CEMIP: variants seen among roughly 807,000 people sequenced by gnomAD.
The protein encoded by CEMIP is cell migration inducing hyaluronidase 1, also known as cell migration-inducing and hyaluronan-binding protein.
Under a neutral mutation model 156.9 loss-of-function variants are expected in CEMIP, and 105 were observed. The ratio of observed to expected loss-of-function variants is 0.67; its 90% CI spans 0.57 to 0.79. The LOEUF is 0.79. Among genes scored for constraint, CEMIP ranks in the 30% least tolerant of loss-of-function variants. CEMIP has a pLI of 0.00. For synonymous variants in CEMIP, 676 were observed against 668.4 expected, an observed-to-expected ratio of 1.01 and a Z score of -0.17; for missense variants, 1,457 against 1,769.4, an observed-to-expected ratio of 0.82 and a Z score of 3.17.
intron 1 of CEMIP, among the ~76,000 whole-genome samples, chr15:80,848,895 C>T (rs1024803479): frequency 7.8e-4 from 79 of 100,660 alleles, no homozygotes; most frequent in Non-Finnish European, 1.5e-3. Context: ...TGAGCGTGTG[C>T]GCGTGCACAC....
In CEMIP at chr15:80,949,285, G is replaced by A. The variant is rs7162397; in HGVS notation, c.*361G>A. 4.9e-3 allele frequency: 1,819 copies of A among 371,406 alleles called. 31 individuals carry two copies. The highest frequency in any genetic ancestry group is 0.036 in the African/African-American group (1,699 of 47,712). The allele number at this position is 371,406 out of a possible 1,614,324, so 23.0% of individuals were successfully genotyped here. A position where few individuals can be genotyped will look rare whatever the true frequency, so the allele number is the denominator to read the frequency against. The stretch of plus-strand genomic sequence containing the variant: ...CCACTTTGGCAGGAGCCCTGACCCA[G>A]CTAGGAGGTAGTCTGGAGGGCTGGT... On this transcript the variant is annotated 3_prime_UTR_variant, in exon 30 of 30. Transcript: ENST00000394685.
chr15:80,891,106 AG>A (rs1899019753), intron 10 of CEMIP, among the ~76,000 whole-genome samples: 1 of 152,230 alleles, frequency 6.6e-6, no homozygotes, highest in African/African-American at 2.4e-5. Context: ...ACTTGACCAC[AG>A]GAAGTCTAGC....
intron 1 of CEMIP, among the ~76,000 whole-genome samples, chr15:80,793,289 G>A (rs1365614859): frequency 6.6e-6 from 1 of 152,198 alleles, no homozygotes; most frequent in Non-Finnish European, 1.5e-5. Context: ...AAGATGTTGA[G>A]AGGCACATAA....
intron 1 of CEMIP, among the ~76,000 whole-genome samples, chr15:80,864,494 A>G (rs901325009): frequency 6.6e-6 from 1 of 152,206 alleles, no homozygotes; most frequent in Non-Finnish European, 1.5e-5. Context: ...ATGGCGACAC[A>G]CTGACCTTTA....
intron 7 of CEMIP, among the ~76,000 whole-genome samples, chr15:80,885,106 G>A (rs996043248): frequency 2.6e-5 from 4 of 152,034 alleles, no homozygotes; most frequent in Non-Finnish European, 2.9e-5. Context: ...AGTGTGTGTT[G>A]TTCCCCTCCC....
Position 80,836,551 on chromosome 15 carries a change from TC to T in CEMIP, c.-175-36986del, listed in dbSNP as rs1207066967. On this transcript the variant is annotated intron_variant, in intron 1 of 29. Coordinates refer to ENST00000394685, the MANE Select transcript of CEMIP (RefSeq NM_001293298.2). ...AGCTTGAAAACCTTCCTCAAACGTT[TC>T]TGTTTTCCATAGTTCCTTTTGCCAT... Among the ~76,000 whole-genome samples the T allele has an allele frequency of 5.3e-5, 8 of 152,306 alleles. No homozygotes were observed. The South Asian group carries it at 1.7e-3, about 32-fold the overall frequency.
intron 23 of CEMIP, 45 bp downstream of exon 23, chr15:80,933,505 T>C (rs367905867): frequency 9.6e-6 from 14 of 1,462,972 alleles, no homozygotes; most frequent in East Asian, 4.5e-5. Context: ...TATTCACTCA[T>C]GCAACAAGCA....
intron 3 of CEMIP, among the ~76,000 whole-genome samples, chr15:80,875,083 G>C (rs540781708): frequency 5.9e-5 from 8 of 136,682 alleles, no homozygotes; most frequent in Admixed American, 1.6e-4. Flanking sequence ...GCCTAAGCTG[G>C]AGTGCAGTGA....
At chr15:80,812,458 G>T (rs1896694149) in intron 1 of CEMIP, among the ~76,000 whole-genome samples, 1 of 152,140 alleles carries the variant, frequency 6.6e-6, no homozygotes, top group Admixed American at 6.6e-5. Flanking sequence ...TTAGTCATTT[G>T]CATGGCCTTG....
intron 12 of CEMIP, among the ~76,000 whole-genome samples, chr15:80,900,406 C>T (rs1031705817): frequency 5.9e-5 from 9 of 152,174 alleles, no homozygotes; most frequent in Admixed American, 2.6e-4. Context: ...ACGCCCTCCA[C>T]TTTCCTTGGG....
intron 1 of CEMIP, among the ~76,000 whole-genome samples, chr15:80,834,458 A>G (rs974906972): frequency 3.3e-5 from 5 of 152,198 alleles, no homozygotes; most frequent in African/African-American, 1.2e-4. Flanking sequence ...GACTTTTTGC[A>G]TGGCCAAAAG....
intron 1 of CEMIP, among the ~76,000 whole-genome samples, chr15:80,825,459 G>A (rs1392526867): frequency 4.6e-5 from 7 of 152,154 alleles, no homozygotes; most frequent in Admixed American, 3.9e-4. Flanking sequence ...GGTGAAGCAG[G>A]CATTATTTTC....
At chr15:80,931,578 C>T (rs1900912799) in intron 21 of CEMIP, among the ~76,000 whole-genome samples, 1 of 152,102 alleles carries the variant, frequency 6.6e-6, no homozygotes, top group Non-Finnish European at 1.5e-5. Context: ...TCAACTCATC[C>T]ATCCATTCAT....
At chr15:80,792,917 G>A (rs980454526) in intron 1 of CEMIP, among the ~76,000 whole-genome samples, 1 of 152,176 alleles carries the variant, frequency 6.6e-6, no homozygotes, top group African/African-American at 2.4e-5. Flanking sequence ...TGTCCTGAGA[G>A]GAGAGCTACT....
chr15:80,812,561 G>A (rs1338991057), intron 1 of CEMIP, among the ~76,000 whole-genome samples: 4 of 152,172 alleles, frequency 2.6e-5, no homozygotes, highest in African/African-American at 9.7e-5. Flanking sequence ...GTCAAGCGTA[G>A]TAACACACTC....
At chr15:80,895,245 A>G in intron 11 of CEMIP, 123 bp downstream of exon 11, 1 of 1,317,226 alleles carries the variant, frequency 7.6e-7, no homozygotes, top group Non-Finnish European at 1.1e-6. Context: ...CACTTTTGTG[A>G]CACGGGAGCA....
intron 24 of CEMIP, 88 bp from the exon 25 acceptor site, chr15:80,937,706 T>C (rs1200615365): frequency 3.2e-5 from 39 of 1,229,016 alleles, no homozygotes; most frequent in Non-Finnish European, 3.8e-5. Flanking sequence ...TTGGTGGAGA[T>C]TTTTTGGTCT....
chr15:80,814,811 C>G (rs1207299458), intron 1 of CEMIP, among the ~76,000 whole-genome samples: 1 of 152,172 alleles, frequency 6.6e-6, no homozygotes, highest in Non-Finnish European at 1.5e-5. Flanking sequence ...TGTATTATTT[C>G]CTCCTCCCCA....
chr15:80,889,338 C>T, intron 9 of CEMIP, 133 bp from the exon 10 acceptor site: 1 of 1,263,418 alleles, frequency 7.9e-7, no homozygotes. Flanking sequence ...GCCATCCATG[C>T]CCCAGCCTGG....
Sources: gnomAD v4.1 joint callset for allele counts (sites outside exome capture counted in the v4.1 genomes callset) on GRCh38, gnomAD v4.1.1 for gene constraint, MANE v1.5 for transcripts, NCBI Gene and HGNC (gene_info 2026-07-23, HGNC 2026-07-21) for gene names.